Variants in PPFIA2 observed in about 807,000 individuals in gnomAD.
PPFIA2 encodes liprin-alpha-2.
In PPFIA2, 46 loss-of-function variants were observed where a neutral mutation model predicts 175.5. The observed-to-expected ratio is 0.26, with a 90% CI of 0.21 to 0.34. The LOEUF (loss-of-function observed/expected upper bound fraction) is 0.34, where lower values mean the gene tolerates loss of function less well. PPFIA2 is among the 10% of genes least tolerant of loss of function. The probability of loss-of-function intolerance (pLI) is 1.00; values close to 1 mark genes in which losing one functional copy is unlikely to be tolerated. For synonymous variants in PPFIA2, 568 were observed against 511.4 expected, an observed-to-expected ratio of 1.11 and a Z score of -1.49; for missense variants, 1,179 against 1,506.1, an observed-to-expected ratio of 0.78 and a Z score of 3.60.
intron 8 of PPFIA2, among the ~76,000 whole-genome samples, chr12:81,391,066 T>A (rs2040022932): frequency 6.6e-6 from 1 of 151,962 alleles, no homozygotes; most frequent in South Asian, 2.1e-4. Context: ...ATAATACTTT[T>A]CTGACATCAA....
chr12:81,718,969 A>G (rs1318472210), intron 3 of PPFIA2, among the ~76,000 whole-genome samples: 1 of 151,698 alleles, frequency 6.6e-6, no homozygotes, highest in African/African-American at 2.4e-5. Flanking sequence ...TACTGCCAAG[A>G]TGACTATAGC....
chr12:81,748,419 C>T lies in PPFIA2; in HGVS notation c.249+5554G>A, dbSNP rs529092950. Among the ~76,000 whole-genome samples, 3 of 144,600 alleles carry T rather than the reference C, an allele frequency of 2.1e-5. 1 individual carries two copies. In the South Asian group the frequency reaches 6.7e-4, roughly 33 times the overall value. The allele number at this position is 144,600 out of a possible 152,430, so 94.9% of individuals were successfully genotyped here. ...TCTAGGTTTGGCCAAGGGACATTAC[C>T]AAAAATGACTTAAGCAGAAGTTTAA... On this transcript the variant is annotated intron_variant, in intron 3 of 32. Transcript: ENST00000549396.
chr12:81,291,283 A>AT (rs1375568348), intron 24 of PPFIA2, among the ~76,000 whole-genome samples: 1 of 151,920 alleles, frequency 6.6e-6, no homozygotes, highest in Non-Finnish European at 1.5e-5. Context: ...TAAACAATAT[A>AT]TTTTTTATGT....
intron 3 of PPFIA2, among the ~76,000 whole-genome samples, chr12:81,714,220 C>T (rs898381366): frequency 1.3e-5 from 2 of 150,998 alleles, no homozygotes; most frequent in Non-Finnish European, 3.0e-5. Flanking sequence ...TACATTCATA[C>T]ACACTTTCAT....
At chr12:81,521,633 A>G (rs2148063867) in intron 4 of PPFIA2, among the ~76,000 whole-genome samples, 1 of 147,064 alleles carries the variant, frequency 6.8e-6, no homozygotes, top group East Asian at 2.0e-4. Context: ...CTGGCTAACA[A>G]GGATCTCTAA....
intron 7 of PPFIA2, among the ~76,000 whole-genome samples, chr12:81,411,943 G>A (rs75151439): frequency 1.5e-3 from 221 of 152,064 alleles, no homozygotes; most frequent in African/African-American, 4.7e-3. Context: ...GAGGACAAGA[G>A]GGAACAGCAA....
chr12:81,482,653 T>C (rs765005799), intron 4 of PPFIA2, among the ~76,000 whole-genome samples: 2 of 152,018 alleles, frequency 1.3e-5, no homozygotes, highest in Non-Finnish European at 2.9e-5. Flanking sequence ...AACCAAACAC[T>C]GCATGTTCTC....
chr12:81,532,319 C>A (rs1044290021), intron 4 of PPFIA2, among the ~76,000 whole-genome samples: 1 of 151,496 alleles, frequency 6.6e-6, no homozygotes, highest in Non-Finnish European at 1.5e-5. Context: ...GAGGATAGGG[C>A]AGAGCAGAGA....
intron 4 of PPFIA2, among the ~76,000 whole-genome samples, chr12:81,662,963 C>T (rs1432632461): frequency 2.0e-5 from 3 of 152,200 alleles, no homozygotes; most frequent in Non-Finnish European, 4.4e-5. Flanking sequence ...ACATGATTAT[C>T]TCAATAGATG....
At chr12:81,590,445 C>A (rs1466976830) in intron 4 of PPFIA2, among the ~76,000 whole-genome samples, 3 of 152,028 alleles carry the variant, frequency 2.0e-5, no homozygotes, top group Non-Finnish European at 4.4e-5. Flanking sequence ...ATACTAATTA[C>A]CATTAGTATC....
Position 81,346,487 on chromosome 12 carries a change from T to C in PPFIA2, c.2232+1046A>G, listed in dbSNP as rs1463117921. Reference sequence around the variant, plus strand: ...ATATATAAATATATATAATGAAATATATTTTATAATGAAATACATATATTA... The same window carrying C: ...ATATATAAATATATATAATGAAATACATTTTATAATGAAATACATATATTA... On this transcript the variant is annotated intron_variant, in intron 18 of 32. Coordinates refer to ENST00000549396, the MANE Select transcript of PPFIA2 (RefSeq NM_003625.5). Among the ~76,000 whole-genome samples the C allele has an allele frequency of 4.0e-5, 6 of 148,800 alleles. No homozygotes were observed. In the Admixed American group the frequency reaches 4.0e-4, roughly 10 times the overall value.
At chr12:81,445,745 A>C (rs779814870) in intron 5 of PPFIA2, 25 bp from the exon 6 acceptor site, 4 of 1,602,460 alleles carry the variant, frequency 2.5e-6, no homozygotes, top group Non-Finnish European at 2.6e-6. Context: ...AGAAAATGCA[A>C]TTATCTTATG....
intron 4 of PPFIA2, among the ~76,000 whole-genome samples, chr12:81,462,977 G>A (rs140249816): frequency 3.3e-5 from 5 of 152,068 alleles, no homozygotes; most frequent in African/African-American, 1.2e-4. Context: ...GTGAAAGTAT[G>A]TGTTTAACTA....
intron 4 of PPFIA2, among the ~76,000 whole-genome samples, chr12:81,590,742 A>G (rs1350899771): frequency 1.3e-5 from 2 of 152,074 alleles, no homozygotes. Context: ...GCCACCATCT[A>G]TTTAAGATGT....
chr12:81,313,701 A>C (rs1345508384), intron 22 of PPFIA2, among the ~76,000 whole-genome samples: 1 of 152,098 alleles, frequency 6.6e-6, no homozygotes, highest in Non-Finnish European at 1.5e-5. Flanking sequence ...GCTCTGAAAA[A>C]ATAGGCAATT....
chr12:81,512,865 G>T (rs1439762176), intron 4 of PPFIA2, among the ~76,000 whole-genome samples: 1 of 151,994 alleles, frequency 6.6e-6, no homozygotes, highest in Non-Finnish European at 1.5e-5. Flanking sequence ...TGTAGCAAAA[G>T]ACATTATTTT....
intron 28 of PPFIA2, among the ~76,000 whole-genome samples, chr12:81,273,782 C>T (rs2039792401): frequency 1.3e-5 from 2 of 152,158 alleles, no homozygotes; most frequent in South Asian, 2.1e-4. Context: ...CCACATCCCA[C>T]AGTCTTATTA....
intron 4 of PPFIA2, among the ~76,000 whole-genome samples, chr12:81,573,065 A>G (rs904049403): frequency 6.6e-6 from 1 of 151,978 alleles, no homozygotes. Flanking sequence ...GAACTAATAC[A>G]GCTTCATTGG....
At chr12:81,604,324 G>A (rs2153459195) in intron 4 of PPFIA2, among the ~76,000 whole-genome samples, 1 of 151,656 alleles carries the variant, frequency 6.6e-6, no homozygotes, top group South Asian at 2.1e-4. Flanking sequence ...GTGTGTATTT[G>A]TATTTACAAA....
Sources: gnomAD v4.1 joint callset for allele counts (sites outside exome capture counted in the v4.1 genomes callset) on GRCh38, gnomAD v4.1.1 for gene constraint, MANE v1.5 for transcripts, NCBI Gene and HGNC (gene_info 2026-07-23, HGNC 2026-07-21) for gene names.